Variants in PRELID2 observed in about 807,000 individuals in gnomAD.
PRELID2 encodes the protein PRELI domain-containing protein 2.
PRELID2 carries 25 observed loss-of-function variants against 28.4 expected under a neutral mutation model. The observed-to-expected ratio is 0.88, with a 90% CI of 0.64 to 1.23. PRELID2 has a LOEUF of 1.23. Ranked by LOEUF, PRELID2 falls within the 50% of genes most tolerant of loss-of-function variation. The pLI is 0.00. For missense variants in PRELID2, 201 were observed against 214.4 expected (o/e 0.94, Z 0.39); for synonymous variants, 76 against 71.6 (o/e 1.06, Z -0.31).
the PRELID2 span, among the ~76,000 whole-genome samples, chr5:145,419,901 T>A: frequency 1.3e-5 from 2 of 151,894 alleles, no homozygotes; most frequent in African/African-American, 2.4e-5. Context: ...TTGAATTGAT[T>A]TTTGTATAAG....
chr5:145,417,026 A>C, the PRELID2 span, among the ~76,000 whole-genome samples: 1 of 152,046 alleles, frequency 6.6e-6, no homozygotes, highest in African/African-American at 2.4e-5. Context: ...ACACATAAAG[A>C]AGAAGAGAAG....
At chr5:145,585,749 T>C (rs115380590) in intron 1 of PRELID2, among the ~76,000 whole-genome samples, 2,377 of 152,218 alleles carry the variant, frequency 0.016, 23 homozygotes, top group Middle Eastern at 0.031. Context: ...GTAATGACTA[T>C]AACAATGTCT....
At chr5:145,245,599 T>G in the PRELID2 span, among the ~76,000 whole-genome samples, 1 of 152,050 alleles carries the variant, frequency 6.6e-6, no homozygotes, top group Non-Finnish European at 1.5e-5. Flanking sequence ...AATGACAAGG[T>G]CAGGGGTCCT....
At chr5:145,327,638 C>A in the PRELID2 span, among the ~76,000 whole-genome samples, 1 of 151,850 alleles carries the variant, frequency 6.6e-6, no homozygotes, top group Non-Finnish European at 1.5e-5. Context: ...TTTACTATTG[C>A]TATTTCCTTG....
chr5:145,250,735 T>C, the PRELID2 span, among the ~76,000 whole-genome samples: 1 of 152,168 alleles, frequency 6.6e-6, no homozygotes, highest in East Asian at 1.9e-4. Flanking sequence ...TGAAACACTG[T>C]TAAGTTTTAA....
chr5:145,419,758 T>G, the PRELID2 span, among the ~76,000 whole-genome samples: 317 of 152,174 alleles, frequency 2.1e-3, 3 homozygotes, highest in East Asian at 0.039. Flanking sequence ...GTCAATTTTG[T>G]CTTTTGTTAC....
chr5:145,371,870 G>T, the PRELID2 span, among the ~76,000 whole-genome samples: 4 of 120,220 alleles, frequency 3.3e-5, no homozygotes, highest in East Asian at 2.8e-4. Context: ...CTAGCTAGTG[G>T]TCTATTTTGT....
intron 1 of PRELID2, 133 bp downstream of exon 1, chr5:145,835,044 A>C: frequency 1.6e-6 from 1 of 623,074 alleles, no homozygotes; most frequent in South Asian, 2.0e-5. Context: ...CTCTCGACCC[A>C]CACATCCCTG....
In PRELID2 at chr5:145,740,501, T is replaced by C. The variant is rs76480873; in HGVS notation, n.70+24430A>G. ...GATATAGAAGAATGCAATAACACTA[T>C]TGAAAAGAATCTAACTAGCATTTAT... On this transcript the variant is annotated intron_variant and non_coding_transcript_variant, in intron 1 of 2. Transcript: ENST00000510259. Among the ~76,000 whole-genome samples the C allele has an allele frequency of 4.9e-3, 667 of 136,938 alleles. 17 individuals carry two copies. Among genetic ancestry groups the C allele is most frequent in the African/African-American group, 0.017 (642 of 37,494 alleles). 89.8% of individuals were successfully genotyped at this position (136,938 alleles called of 152,430 possible).
intron 1 of PRELID2, among the ~76,000 whole-genome samples, chr5:145,563,927 C>G (rs1752944145): frequency 6.6e-6 from 1 of 152,060 alleles, no homozygotes. Context: ...TTCAAGTGCT[C>G]TCACCAAAAA....
chr5:145,474,918 T>C (rs1479469146), intron 1 of PRELID2, among the ~76,000 whole-genome samples: 1 of 152,146 alleles, frequency 6.6e-6, no homozygotes, highest in East Asian at 1.9e-4. Context: ...GGATTTAGTG[T>C]ATAAAAGGAG....
chr5:145,756,084 T>C (rs1404421094), downstream of PRELID2, among the ~76,000 whole-genome samples: 2 of 152,354 alleles, frequency 1.3e-5, no homozygotes, highest in East Asian at 3.9e-4. Flanking sequence ...GCTTCATTAC[T>C]TCTCCCTCTG....
At chr5:145,591,207 G>T (rs1182712098) in intron 1 of PRELID2, among the ~76,000 whole-genome samples, 1 of 151,620 alleles carries the variant, frequency 6.6e-6, no homozygotes. Context: ...GAGGTAGGAG[G>T]ACTGCTTGAG....
intron 1 of PRELID2, among the ~76,000 whole-genome samples, chr5:145,648,389 A>T (rs1754232822): frequency 6.6e-6 from 1 of 151,578 alleles, no homozygotes; most frequent in African/African-American, 2.4e-5. Context: ...AGACAAAAAG[A>T]TGTTTTTAAA....
the PRELID2 span, among the ~76,000 whole-genome samples, chr5:145,324,384 A>T: frequency 6.6e-6 from 1 of 152,134 alleles, no homozygotes; most frequent in Non-Finnish European, 1.5e-5. Flanking sequence ...GGGACTTTCA[A>T]CTCTTAGGAG....
At chr5:145,522,105 G>A (rs1005903216) in intron 1 of PRELID2, among the ~76,000 whole-genome samples, 1 of 152,062 alleles carries the variant, frequency 6.6e-6, no homozygotes, top group Non-Finnish European at 1.5e-5. Flanking sequence ...CTATTAAAAT[G>A]TTGTCATATT....
At chr5:145,341,592 G>A in the PRELID2 span, among the ~76,000 whole-genome samples, 1 of 151,698 alleles carries the variant, frequency 6.6e-6, no homozygotes, top group South Asian at 2.1e-4. Context: ...ATAAATTCTG[G>A]CACTGAATAA....
intron 1 of PRELID2, among the ~76,000 whole-genome samples, chr5:145,498,726 T>G (rs1420680524): frequency 6.6e-6 from 1 of 152,020 alleles, no homozygotes; most frequent in Non-Finnish European, 1.5e-5. Context: ...TGTTTTGTTT[T>G]TTGTATTTTT....
the PRELID2 span, among the ~76,000 whole-genome samples, chr5:145,341,690 AC>A: frequency 6.6e-6 from 1 of 152,144 alleles, no homozygotes; most frequent in Non-Finnish European, 1.5e-5. Context: ...GATTTAAAAA[AC>A]AAAAATTTAG....
Sources: allele counts gnomAD v4.1 joint callset (sites outside exome capture counted in the v4.1 genomes callset), GRCh38; gene constraint gnomAD v4.1.1; transcripts MANE v1.5; gene names NCBI Gene and HGNC (gene_info 2026-07-23, HGNC 2026-07-21).